The following TMIGD1 variants were observed in gnomAD, a reference collection of about 807,000 sequenced individuals.
TMIGD1 encodes the protein transmembrane and immunoglobulin domain-containing protein 1.
TMIGD1 carries 29 observed loss-of-function variants against 27.5 expected under a neutral mutation model. The ratio of observed to expected loss-of-function variants is 1.05; its 90% confidence interval spans 0.78 to 1.44. The LOEUF is 1.44. Among genes scored for constraint, TMIGD1 ranks in the 40% most tolerant of loss-of-function variants. The probability of loss-of-function intolerance (pLI) is 0.00; values close to 1 mark genes in which losing one functional copy is unlikely to be tolerated. For missense variants in TMIGD1, 334 were observed against 310.6 expected, an observed-to-expected ratio of 1.08 and a Z score of -0.57; for synonymous variants, 109 against 110.3, an observed-to-expected ratio of 0.99 and a Z score of 0.07.
Position 30,329,459 on chromosome 17 carries a change from A to G in TMIGD1, c.153T>C (p.Ser51=). 2 of 1,614,204 alleles carry G rather than the reference A, an allele frequency of 1.2e-6. No individual in the cohort carries two copies. The highest frequency in any genetic ancestry group is 1.7e-6 in the Non-Finnish European group (2 of 1,180,020). The part of the protein sequence containing the change: ...ILDTTPGSQA[S]LICAVQNHTR... The stretch of plus-strand genomic sequence containing the variant: ...TGTGGTTTTGAACAGCACATATCAG[A>G]GATGCTTGGGAGCCAGGTGTAGTAT... The change falls in exon 3 of 7, where the codon TCT becomes TCC. Residue 51 remains serine (S), a synonymous_variant. Transcript: ENST00000328886.
chr17:30,316,893 T>G (rs763032432), intron 6 of TMIGD1: 1 of 642,134 alleles, frequency 1.6e-6, no homozygotes, highest in African/African-American at 1.8e-5. Flanking sequence ...TAAAGCAGTA[T>G]GGACCAGTGA....
intron 4 of TMIGD1, among the ~76,000 whole-genome samples, chr17:30,319,261 A>AAAAAAAATATAT: frequency 1.4e-5 from 1 of 69,046 alleles, no homozygotes; most frequent in African/African-American, 9.1e-5. Flanking sequence ...AAAAAAAAAA[A>AAAAAAAATATAT]ATATATATAT....
At chr17:30,324,726 G>A (rs1431942931) in intron 4 of TMIGD1, 90 bp downstream of exon 4, 21 of 1,447,410 alleles carry the variant, frequency 1.5e-5, no homozygotes, top group Middle Eastern at 1.8e-4. Flanking sequence ...AATCATAACC[G>A]TTATTATCAT....
chr17:30,319,247 AAG>A (rs1909526384), intron 4 of TMIGD1, among the ~76,000 whole-genome samples: 1 of 78,126 alleles, frequency 1.3e-5, no homozygotes, highest in African/African-American at 1.3e-4. Context: ...GTAAAAAAAA[AAG>A]AAAAAAAAAA....
chr17:30,324,989 T>A lies in TMIGD1; in HGVS notation c.467A>T (p.Tyr156Phe). 2 of 1,614,152 alleles carry A rather than the reference T, an allele frequency of 1.2e-6. No individual in the cohort carries two copies. The highest frequency in any genetic ancestry group is 8.5e-7 in the Non-Finnish European group (1 of 1,179,986). The change falls in exon 4 of 7, where the codon TAC becomes TTC. Residue 156 changes from tyrosine to phenylalanine, a missense_variant. Tyr to Phe is a conservative substitution (Grantham distance 22). Coordinates refer to ENST00000328886, the MANE Select transcript of TMIGD1 (RefSeq NM_206832.3). Reference protein sequence around the residue: ...KANPQAQMMWYKNSSLLDLEK... With the variant: ...KANPQAQMMWFKNSSLLDLEK... ...TAAATCGAGGAGACTACTGTTTTTG[T>A]ACCACATCATTTGAGCCTGGGGGTT...
At chr17:30,322,895 G>A (rs1260555594) in intron 4 of TMIGD1, among the ~76,000 whole-genome samples, 1 of 152,340 alleles carries the variant, frequency 6.6e-6, no homozygotes, top group Non-Finnish European at 1.5e-5. Context: ...TTTGGTCGGG[G>A]CATGGTGGTT....
intron 3 of TMIGD1, 125 bp from the exon 4 acceptor site, chr17:30,325,219 G>A (rs529570771): frequency 2.1e-5 from 21 of 1,007,374 alleles, no homozygotes; most frequent in Admixed American, 5.5e-5. Flanking sequence ...TATTAAATAC[G>A]TACGGTGTGA....
chr17:30,326,871 A>G (rs1909798846), intron 3 of TMIGD1, among the ~76,000 whole-genome samples: 1 of 152,186 alleles, frequency 6.6e-6, no homozygotes, highest in Admixed American at 6.6e-5. Context: ...ATTCTCCCCC[A>G]AACAGTGTAT....
At chr17:30,323,581 A>G (rs1909686053) in intron 4 of TMIGD1, among the ~76,000 whole-genome samples, 1 of 152,220 alleles carries the variant, frequency 6.6e-6, no homozygotes, top group South Asian at 2.1e-4. Context: ...CCAATTTGCT[A>G]AGCTAGCATC....
chr17:30,323,808 A>T (rs1266945817), intron 4 of TMIGD1, among the ~76,000 whole-genome samples: 1 of 150,848 alleles, frequency 6.6e-6, no homozygotes, highest in Non-Finnish European at 1.5e-5. Context: ...TATTCAGGAT[A>T]TTTGTGGGTT....
At chr17:30,328,243 T>C (rs1321253743) in intron 3 of TMIGD1, among the ~76,000 whole-genome samples, 3 of 151,870 alleles carry the variant, frequency 2.0e-5, no homozygotes, top group African/African-American at 7.3e-5. Context: ...CCATTGTTGG[T>C]CAGGCTGGTC....
chr17:30,328,214 T>C (rs1909850687), intron 3 of TMIGD1, among the ~76,000 whole-genome samples: 2 of 152,016 alleles, frequency 1.3e-5, no homozygotes, highest in Admixed American at 1.3e-4. Context: ...TTTGTATTTT[T>C]AGTAGAGGCC....
At chr17:30,320,362 A>G (rs1310354494) in intron 4 of TMIGD1, among the ~76,000 whole-genome samples, 1 of 152,136 alleles carries the variant, frequency 6.6e-6, no homozygotes, top group Admixed American at 6.5e-5. Context: ...ATCAGTCACT[A>G]TAGGCATAGT....
intron 3 of TMIGD1, among the ~76,000 whole-genome samples, chr17:30,325,725 A>G (rs1285233208): frequency 6.6e-6 from 1 of 151,798 alleles, no homozygotes; most frequent in Non-Finnish European, 1.5e-5. Flanking sequence ...TTATCGAACC[A>G]TTGCCTTGGT....
chr17:30,316,826 A>G, intron 6 of TMIGD1, 136 bp from the exon 7 acceptor site: 1 of 813,440 alleles, frequency 1.2e-6, no homozygotes, highest in Non-Finnish European at 2.0e-6. Context: ...TAGAAGCGCT[A>G]AACAAAGCTG....
intron 3 of TMIGD1, among the ~76,000 whole-genome samples, chr17:30,325,761 GTT>G (rs1909754568): frequency 6.6e-6 from 1 of 152,046 alleles, no homozygotes; most frequent in South Asian, 2.1e-4. Flanking sequence ...GCATCTTTGC[GTT>G]TTCTCAGTGG....
intron 3 of TMIGD1, among the ~76,000 whole-genome samples, chr17:30,328,206 T>C (rs1254830550): frequency 6.6e-6 from 1 of 152,054 alleles, no homozygotes; most frequent in African/African-American, 2.4e-5. Context: ...GGCCAATTTT[T>C]GTATTTTTAG....
chr17:30,332,995 A>G (rs372704708), intron 1 of TMIGD1, among the ~76,000 whole-genome samples: 1 of 152,106 alleles, frequency 6.6e-6, no homozygotes, highest in East Asian at 1.9e-4. Flanking sequence ...AGACTATGTA[A>G]TTTGCCTGAG....
intron 4 of TMIGD1, among the ~76,000 whole-genome samples, chr17:30,319,325 T>A (rs1374566940): frequency 7.4e-6 from 1 of 135,484 alleles, no homozygotes; most frequent in Admixed American, 7.9e-5. Context: ...CTTGGGAGAC[T>A]GAGGCAGGAG....
Sources: gnomAD v4.1 joint callset for allele counts (sites outside exome capture counted in the v4.1 genomes callset) on GRCh38, gnomAD v4.1.1 for gene constraint, MANE v1.5 for transcripts, NCBI Gene and HGNC (gene_info 2026-07-23, HGNC 2026-07-21) for gene names.